ITPR1: variants seen among roughly 807,000 people sequenced by gnomAD.
ITPR1 encodes the protein inositol 1,4,5-trisphosphate receptor type 1.
Under a neutral mutation model 318.4 loss-of-function variants are expected in ITPR1, and 96 were observed. The observed-to-expected ratio is 0.30, with a 90% CI of 0.26 to 0.36. The LOEUF (loss-of-function observed/expected upper bound fraction) is 0.36. Among genes scored for constraint, ITPR1 ranks in the 10% least tolerant of loss-of-function variants. The probability of loss-of-function intolerance (pLI) is 1.00; values close to 1 mark genes in which losing one functional copy is unlikely to be tolerated. For missense variants in ITPR1, 2,440 were observed against 3,460.2 expected, an observed-to-expected ratio of 0.71 and a Z score of 7.40; for synonymous variants, 1,312 against 1,289.9, an observed-to-expected ratio of 1.02 and a Z score of -0.37.
chr3:4,627,645 A>T, intron 4 of ITPR1, 118 bp from the exon 5 acceptor site: 1 of 641,164 alleles, frequency 1.6e-6, no homozygotes. Flanking sequence ...CTCTCATTTT[A>T]TATCTATGTA....
At chr3:4,722,444 T>C (rs1158626151) in intron 40 of ITPR1, among the ~76,000 whole-genome samples, 1 of 152,170 alleles carries the variant, frequency 6.6e-6, no homozygotes, top group Non-Finnish European at 1.5e-5. Flanking sequence ...CCTAAACACA[T>C]GTTCAATGAG....
chr3:4,673,083 C>T, intron 20 of ITPR1, 53 bp from the exon 21 acceptor site: 1 of 1,567,146 alleles, frequency 6.4e-7, no homozygotes, highest in South Asian at 1.2e-5. Flanking sequence ...ACCCTTCATT[C>T]ATCCTGAATG....
chr3:4,616,909 T>C (rs1575738323), intron 4 of ITPR1, among the ~76,000 whole-genome samples: 3 of 152,074 alleles, frequency 2.0e-5, no homozygotes, highest in South Asian at 4.2e-4. Context: ...ACTGAAGACA[T>C]GTGAGTGCGA....
At chr3:4,800,095 G>A in intron 53 of ITPR1, 1 of 329,378 alleles carries the variant, frequency 3.0e-6, no homozygotes, top group Non-Finnish European at 5.5e-6. Context: ...ACTGGAAGCA[G>A]GGAGTACGGA....
At position 4,846,177 on chromosome 3, in the gene ITPR1, T is replaced by C. The variant is rs2051765069; in HGVS notation, c.8229T>C (p.Leu2743=). 7 of 1,570,136 alleles carry C rather than the reference T, an allele frequency of 4.5e-6. No homozygotes were observed. The highest frequency in any genetic ancestry group is 6.1e-6 in the Non-Finnish European group (7 of 1,156,656). ...GGAAGCAGAAACAAAGAATTGGTCT[T>C]CTAGGACATCCTCCTCACATGAATG... ...EQRKQKQRIG[L]LGHPPHMNVN... Residue 2743 remains leucine (L), a synonymous_variant, in exon 62 of 62, where the codon CTT becomes CTC. Coordinates refer to ENST00000649015, the MANE Select transcript of ITPR1 (RefSeq NM_001378452.1).
chr3:4,741,449 G>A (rs1260337410), intron 44 of ITPR1, among the ~76,000 whole-genome samples: 1 of 152,136 alleles, frequency 6.6e-6, no homozygotes, highest in African/African-American at 2.4e-5. Context: ...TAAGCAGCTA[G>A]AGATGGAAAA....
At chr3:4,592,517 T>C (rs938805421) in intron 4 of ITPR1, among the ~76,000 whole-genome samples, 1 of 152,098 alleles carries the variant, frequency 6.6e-6, no homozygotes, top group Non-Finnish European at 1.5e-5. Flanking sequence ...ATTCAGCTCA[T>C]ACAGGAATTA....
At position 4,828,181 on chromosome 3, in the gene ITPR1, A is replaced by G. The variant is rs2050206359; in HGVS notation, c.8029-8593A>G. 2.0e-5 allele frequency among the ~76,000 whole-genome samples: 3 copies of G among 152,300 alleles called. No individual in the cohort carries two copies. The South Asian group carries it at 6.2e-4, about 32-fold the overall frequency. On this transcript the variant is annotated intron_variant, in intron 60 of 61. Transcript: ENST00000649015. ...AACAACAGCATAGAACTTTGGAAAG[A>G]TGTTTCCCTAGGCTTAAAACAAACA...
rs1264347590 is a variant in ITPR1, at chr3:4,846,550, G to A, written c.*325G>A. The A allele has an allele frequency of 5.3e-6, 1 of 189,352 alleles. No individual in the cohort carries two copies. The highest frequency in any genetic ancestry group is 1.3e-4 in the East Asian group (1 of 7,638). The allele number at this position is 189,352 out of a possible 1,614,324, so 11.7% of individuals were successfully genotyped here. A position where few individuals can be genotyped will look rare whatever the true frequency, so the allele number is the denominator to read the frequency against. Reference sequence around the variant, plus strand: ...GACATGTATTTTGTATTTAAAACTAGAATAGCCAGTATTTATGTTTTTTAT... The same window carrying A: ...GACATGTATTTTGTATTTAAAACTAAAATAGCCAGTATTTATGTTTTTTAT... On this transcript the variant is annotated 3_prime_UTR_variant, in exon 62 of 62. Transcript: ENST00000649015.
intron 44 of ITPR1, among the ~76,000 whole-genome samples, chr3:4,752,001 G>A (rs1201952878): frequency 6.6e-6 from 1 of 152,106 alleles, no homozygotes; most frequent in East Asian, 1.9e-4. Context: ...AACTGTCAGA[G>A]GCTCTCTCAA....
intron 18 of ITPR1, among the ~76,000 whole-genome samples, 199 bp from the exon 19 acceptor site, chr3:4,669,455 T>C (rs913822434): frequency 2.6e-5 from 4 of 152,196 alleles, no homozygotes; most frequent in South Asian, 2.1e-4. Flanking sequence ...CACTCCTGTC[T>C]TTCCTTCTTG....
At chr3:4,526,668 G>A (rs895244978) in intron 4 of ITPR1, among the ~76,000 whole-genome samples, 1 of 152,234 alleles carries the variant, frequency 6.6e-6, no homozygotes, top group Non-Finnish European at 1.5e-5. Flanking sequence ...CCACCTATGA[G>A]GTGTAGGTCT....
chr3:4,590,950 T>G (rs1255410806), intron 4 of ITPR1, among the ~76,000 whole-genome samples: 1 of 152,148 alleles, frequency 6.6e-6, no homozygotes, highest in East Asian at 1.9e-4. Context: ...ATCATTTAGC[T>G]CCCACTTATA....
intron 39 of ITPR1, among the ~76,000 whole-genome samples, chr3:4,715,132 G>T (rs374976839): frequency 1.3e-5 from 2 of 152,140 alleles, no homozygotes; most frequent in African/African-American, 2.4e-5. Context: ...ATTTGCCCGG[G>T]GTTACATAGT....
At position 4,813,531 on chromosome 3, in the gene ITPR1, G is replaced by A. The variant is rs192573433; in HGVS notation, c.7561+297G>A. On this transcript the variant is annotated intron_variant, in intron 57 of 61. Transcript: ENST00000649015. ...GGCAGGCCAAATGGTGATTGCTAGA[G>A]AGTTGCCCAATGCTGGGAATAAGGA... Among the ~76,000 whole-genome samples, 67 of 152,292 alleles carry A rather than the reference G, an allele frequency of 4.4e-4. No homozygotes were observed. The East Asian group carries it at 9.8e-3, about 22-fold the overall frequency.
At chr3:4,567,012 A>G (rs2087358979) in intron 4 of ITPR1, among the ~76,000 whole-genome samples, 1 of 152,204 alleles carries the variant, frequency 6.6e-6, no homozygotes, top group Non-Finnish European at 1.5e-5. Flanking sequence ...AGTGCCACTT[A>G]TGACTTGAAT....
intron 4 of ITPR1, among the ~76,000 whole-genome samples, chr3:4,553,732 C>T (rs1273839774): frequency 1.3e-5 from 2 of 151,868 alleles, no homozygotes; most frequent in Non-Finnish European, 2.9e-5. Flanking sequence ...TCCTGAGTAG[C>T]TGAGATTACA....
intron 4 of ITPR1, among the ~76,000 whole-genome samples, chr3:4,617,486 A>G (rs1200580005): frequency 6.6e-6 from 1 of 152,216 alleles, no homozygotes; most frequent in Non-Finnish European, 1.5e-5. Flanking sequence ...GTGTTGAGGC[A>G]TTAAGCCCAC....
intron 44 of ITPR1, among the ~76,000 whole-genome samples, chr3:4,759,038 G>T (rs1393728350): frequency 2.6e-5 from 4 of 152,190 alleles, no homozygotes; most frequent in Non-Finnish European, 4.4e-5. Context: ...GATCCAGAAA[G>T]GAGGTGGGTG....
Sources: allele counts gnomAD v4.1 joint callset (sites outside exome capture counted in the v4.1 genomes callset), GRCh38; gene constraint gnomAD v4.1.1; transcripts MANE v1.5; gene names NCBI Gene and HGNC (gene_info 2026-07-23, HGNC 2026-07-21).